IMMP2L: variants seen among roughly 807,000 people sequenced by gnomAD.
IMMP2L encodes mitochondrial inner membrane protease subunit 2.
A neutral mutation model predicts 19.3 loss-of-function variants in IMMP2L; 18 were observed. That is an observed-to-expected ratio of 0.93 (90% confidence interval 0.64 to 1.38). IMMP2L has a LOEUF of 1.38. Among genes scored for constraint, IMMP2L ranks in the 40% most tolerant of loss-of-function variants. IMMP2L has a pLI of 0.00. For synonymous variants in IMMP2L, 76 were observed against 73.0 expected (o/e 1.04, Z -0.21); for missense variants, 233 against 218.2 (o/e 1.07, Z -0.43).
intron 5 of IMMP2L, among the ~76,000 whole-genome samples, chr7:110,725,209 C>T (rs1028384551): frequency 6.6e-6 from 1 of 152,144 alleles, no homozygotes; most frequent in Non-Finnish European, 1.5e-5. Flanking sequence ...ATTTTACAGA[C>T]AGGAAACCAG....
chr7:111,068,225 G>C (rs1003186884), intron 3 of IMMP2L, among the ~76,000 whole-genome samples: 1 of 151,452 alleles, frequency 6.6e-6, no homozygotes, highest in Non-Finnish European at 1.5e-5. Flanking sequence ...TGAGAAGACA[G>C]ATGGCTAAAT....
At chr7:111,222,946 T>A (rs913421885) in intron 3 of IMMP2L, among the ~76,000 whole-genome samples, 4 of 151,904 alleles carry the variant, frequency 2.6e-5, no homozygotes, top group African/African-American at 9.7e-5. Flanking sequence ...GTACAACAGA[T>A]ACATGAATTA....
chr7:110,996,108 T>A (rs574194660), intron 3 of IMMP2L, among the ~76,000 whole-genome samples: 1 of 152,208 alleles, frequency 6.6e-6, no homozygotes, highest in East Asian at 1.9e-4. Context: ...TAAGATCAAA[T>A]GACAACATAG....
chr7:110,874,186 A>C (rs978219369), intron 5 of IMMP2L, among the ~76,000 whole-genome samples: 5 of 152,152 alleles, frequency 3.3e-5, no homozygotes, highest in Non-Finnish European at 7.4e-5. Context: ...TCATGGTAAT[A>C]GTCTCATGGC....
chr7:111,364,006 C>T lies in IMMP2L; in HGVS notation c.239+123232G>A, dbSNP rs78225397. Among the ~76,000 whole-genome samples the T allele has an allele frequency of 1.1e-4, 17 of 151,834 alleles. No homozygotes were observed. In the East Asian group the frequency reaches 3.1e-3, roughly 28 times the overall value. The stretch of plus-strand genomic sequence containing the variant: ...GAAAACTTTCATGTAAGATCCCCCC[C>T]CACACACACACATCTACCCCTTTAT... On this transcript the variant is annotated intron_variant, in intron 3 of 5. Coordinates refer to ENST00000405709, the MANE Select transcript of IMMP2L (RefSeq NM_032549.4).
chr7:111,207,542 T>G (rs1189704113), intron 3 of IMMP2L, among the ~76,000 whole-genome samples: 3 of 142,242 alleles, frequency 2.1e-5, no homozygotes, highest in African/African-American at 5.2e-5. Context: ...TGGTTTTTTT[T>G]TTTTTTTTTT....
chr7:111,206,423 A>G (rs1234083955), intron 3 of IMMP2L, among the ~76,000 whole-genome samples: 2 of 152,216 alleles, frequency 1.3e-5, no homozygotes, highest in African/African-American at 4.8e-5. Context: ...ATCTCGAACT[A>G]CATTTCAAGT....
intron 2 of IMMP2L, among the ~76,000 whole-genome samples, chr7:111,505,025 G>C (rs1349213216): frequency 3.9e-5 from 6 of 152,028 alleles, no homozygotes; most frequent in Non-Finnish European, 4.4e-5. Flanking sequence ...TACCATCAGA[G>C]TCAACAGGCA....
intron 3 of IMMP2L, among the ~76,000 whole-genome samples, chr7:111,163,244 T>C (rs1364218079): frequency 6.6e-6 from 1 of 151,970 alleles, no homozygotes; most frequent in Non-Finnish European, 1.5e-5. Context: ...TAAAGATAGA[T>C]TGCTTCTCCT....
At chr7:111,258,967 A>G (rs1055534702) in intron 3 of IMMP2L, among the ~76,000 whole-genome samples, 4 of 152,106 alleles carry the variant, frequency 2.6e-5, no homozygotes, top group Admixed American at 2.0e-4. Flanking sequence ...ACAAACCTAG[A>G]TGGTATAGCC....
At chr7:111,501,158 G>A (rs866749908) in intron 2 of IMMP2L, among the ~76,000 whole-genome samples, 3,055 of 152,100 alleles carry the variant, frequency 0.02, 104 homozygotes, top group African/African-American at 0.069. Flanking sequence ...GCCAAGGCTC[G>A]AGAACTACGT....
intron 1 of IMMP2L, among the ~76,000 whole-genome samples, chr7:111,524,684 A>T (rs921812569): frequency 6.6e-6 from 1 of 151,996 alleles, no homozygotes; most frequent in East Asian, 1.9e-4. Context: ...AAATGAAAAC[A>T]GGGGAAAAGT....
chr7:111,379,206 T>TAA (rs11303513), intron 3 of IMMP2L, among the ~76,000 whole-genome samples: 140 of 98,888 alleles, frequency 1.4e-3, no homozygotes, highest in Middle Eastern at 0.011. Context: ...ACCCTTATGG[T>TAA]AAAAAAAAAA....
chr7:111,275,124 A>G (rs1818880627), intron 3 of IMMP2L, among the ~76,000 whole-genome samples: 1 of 152,174 alleles, frequency 6.6e-6, no homozygotes, highest in Admixed American at 6.5e-5. Context: ...GTGCATATTC[A>G]TAGGAATCCC....
chr7:110,765,064 G>T (rs890490502), intron 5 of IMMP2L, among the ~76,000 whole-genome samples: 1 of 151,948 alleles, frequency 6.6e-6, no homozygotes. Context: ...ACATTTTGCC[G>T]CTATATTCTT....
At chr7:111,312,572 CCTT>C (rs1823635717) in intron 3 of IMMP2L, among the ~76,000 whole-genome samples, 1 of 152,092 alleles carries the variant, frequency 6.6e-6, no homozygotes, top group African/African-American at 2.4e-5. Flanking sequence ...TTTCTATAAA[CCTT>C]CTAGTGTAGT....
At chr7:110,667,980 T>C (rs910832222) in intron 5 of IMMP2L, among the ~76,000 whole-genome samples, 2 of 152,196 alleles carry the variant, frequency 1.3e-5, no homozygotes, top group African/African-American at 4.8e-5. Flanking sequence ...GATACATACA[T>C]ATTCCTTTTT....
At chr7:111,174,574 T>C (rs574568205) in intron 3 of IMMP2L, among the ~76,000 whole-genome samples, 1 of 151,772 alleles carries the variant, frequency 6.6e-6, no homozygotes, top group Non-Finnish European at 1.5e-5. Flanking sequence ...TGTTTGCTTA[T>C]TCTTAAATTT....
intron 3 of IMMP2L, among the ~76,000 whole-genome samples, chr7:111,250,368 G>A (rs922782573): frequency 6.6e-6 from 1 of 151,906 alleles, no homozygotes; most frequent in African/African-American, 2.4e-5. Context: ...CCCACTAAAC[G>A]ACCATTGACG....
Sources: allele counts gnomAD v4.1 joint callset (sites outside exome capture counted in the v4.1 genomes callset), GRCh38; gene constraint gnomAD v4.1.1; transcripts MANE v1.5; gene names NCBI Gene and HGNC (gene_info 2026-07-23, HGNC 2026-07-21).